The following ANKRD30B variants were observed in gnomAD, a reference collection of about 807,000 sequenced individuals.
The protein encoded by ANKRD30B is ankyrin repeat domain-containing protein 30B.
In ANKRD30B, 144 loss-of-function variants were observed where a neutral mutation model predicts 202.2. The ratio of observed to expected loss-of-function variants is 0.71; its 90% CI spans 0.62 to 0.82. The LOEUF is 0.82. ANKRD30B is among the 40% of genes least tolerant of loss of function. ANKRD30B has a pLI of 0.00. For synonymous variants in ANKRD30B, 508 were observed against 561.3 expected (o/e 0.91, Z 1.34); for missense variants, 1,487 against 1,669.1 (o/e 0.89, Z 1.90).
At chr18:14,883,122 GT>G in the ANKRD30B span, among the ~76,000 whole-genome samples, 1 of 152,106 alleles carries the variant, frequency 6.6e-6, no homozygotes, top group Non-Finnish European at 1.5e-5. Flanking sequence ...CTTTCAAGGT[GT>G]TTAAAGAAGA....
chr18:14,797,505 G>C (rs1968993965), intron 18 of ANKRD30B, among the ~76,000 whole-genome samples, 156 bp from the exon 19 acceptor site: 1 of 152,106 alleles, frequency 6.6e-6, no homozygotes, highest in African/African-American at 2.4e-5. Flanking sequence ...CAGTTGGCAT[G>C]TTAACAAATA....
intron 9 of ANKRD30B, 40 bp downstream of exon 9, chr18:14,772,268 AT>A (rs1967051881): frequency 1.5e-6 from 2 of 1,316,524 alleles, no homozygotes; most frequent in Non-Finnish European, 2.1e-6. Flanking sequence ...CTCAGTTGCA[AT>A]ATATTTCTGT....
the ANKRD30B span, among the ~76,000 whole-genome samples, chr18:14,916,238 C>T: frequency 7.2e-5 from 11 of 152,182 alleles, no homozygotes; most frequent in Non-Finnish European, 1.5e-4. Context: ...GTATCCTCTC[C>T]AGGAAGTGTG....
chr18:14,887,446 GTAAA>G, the ANKRD30B span, among the ~76,000 whole-genome samples: 3 of 152,100 alleles, frequency 2.0e-5, no homozygotes, highest in African/African-American at 7.2e-5. Context: ...TTAAAATCCT[GTAAA>G]TATTTATATT....
chr18:14,914,595 G>C, the ANKRD30B span, among the ~76,000 whole-genome samples: 1 of 152,150 alleles, frequency 6.6e-6, no homozygotes, highest in Non-Finnish European at 1.5e-5. Flanking sequence ...AGAGAGAAAC[G>C]CATAAATATA....
chr18:14,867,334 T>G, the ANKRD30B span, among the ~76,000 whole-genome samples: 14 of 93,744 alleles, frequency 1.5e-4, no homozygotes, highest in East Asian at 7.2e-4. Flanking sequence ...TTAGGGGTGG[T>G]ATGGGGGGAG....
chr18:14,796,323 G>A lies in ANKRD30B; in HGVS notation c.1855-20G>A. ...AAGCATATATTATGTATTAATTTTT[G>A]TGTTTCCAAACCCATTTAGCCTACC... On this transcript the variant is annotated intron_variant, in intron 17 of 43. Transcript: ENST00000690538. The A allele has an allele frequency of 6.2e-7, 1 of 1,605,440 alleles. No homozygotes were observed. Among genetic ancestry groups the A allele is most frequent in the Non-Finnish European group, 8.5e-7 (1 of 1,175,488 alleles).
At chr18:14,879,561 AGGGTTAG>A in the ANKRD30B span, among the ~76,000 whole-genome samples, 1 of 152,120 alleles carries the variant, frequency 6.6e-6, no homozygotes, top group African/African-American at 2.4e-5. Flanking sequence ...GGTTGGTGTT[AGGGTTAG>A]GGGTTAGGGG....
the ANKRD30B span, among the ~76,000 whole-genome samples, chr18:14,885,885 A>AT: frequency 1.3e-5 from 2 of 151,796 alleles, no homozygotes; most frequent in African/African-American, 4.8e-5. Context: ...TCATATTTTA[A>AT]TTTTTTCCTT....
the ANKRD30B span, among the ~76,000 whole-genome samples, chr18:14,872,764 T>C: frequency 2.1e-3 from 314 of 152,284 alleles, 1 homozygote; most frequent in African/African-American, 7.3e-3. Context: ...GAGAATGTAG[T>C]GTGGCACTTC....
the ANKRD30B span, among the ~76,000 whole-genome samples, chr18:14,871,343 C>A: frequency 6.7e-6 from 1 of 150,354 alleles, no homozygotes; most frequent in Non-Finnish European, 1.5e-5. Flanking sequence ...ATGGTCCCAG[C>A]AGATCTGAGG....
intron 15 of ANKRD30B, among the ~76,000 whole-genome samples, chr18:14,787,832 G>T (rs567824852): frequency 6.6e-6 from 1 of 152,316 alleles, no homozygotes; most frequent in South Asian, 2.1e-4. Flanking sequence ...GCTGCTGCCT[G>T]ATGGTAACAG....
At position 14,796,256 on chromosome 18, in the gene ANKRD30B, AC is replaced by A. The variant is rs772298790; in HGVS notation, c.1854+8del. 3.7e-6 allele frequency: 6 copies of A among 1,606,134 alleles called. No homozygotes were observed. In the African/African-American group the frequency reaches 5.4e-5, roughly 14 times the overall value. Reference sequence around the variant, plus strand: ...TAAAGATGGTCTTCTGAAGGTAATAACTTTTATATTGCTATCTTGAATACTA... The same window carrying A: ...TAAAGATGGTCTTCTGAAGGTAATAATTTTATATTGCTATCTTGAATACTA... On this transcript the variant is annotated splice_region_variant and intron_variant, in intron 17 of 43. Transcript: ENST00000690538.
chr18:14,901,779 C>T, the ANKRD30B span, among the ~76,000 whole-genome samples: 1 of 152,114 alleles, frequency 6.6e-6, no homozygotes, highest in Admixed American at 6.6e-5. Flanking sequence ...GTATAGCTTC[C>T]ATTACCAAAG....
chr18:14,828,431 T>G (rs562062553), intron 33 of ANKRD30B, 123 bp downstream of exon 33: 1 of 684,864 alleles, frequency 1.5e-6, no homozygotes, highest in African/African-American at 1.9e-5. Flanking sequence ...ATATTTATCA[T>G]CTCACATAGT....
At chr18:14,841,425 GA>G (rs1971415119) in intron 37 of ANKRD30B, among the ~76,000 whole-genome samples, 2 of 152,092 alleles carry the variant, frequency 1.3e-5, no homozygotes, top group Non-Finnish European at 1.5e-5. Flanking sequence ...CTTTCCTTTG[GA>G]AAAATCTGGA....
chr18:14,874,228 C>T, the ANKRD30B span, among the ~76,000 whole-genome samples: 2 of 152,076 alleles, frequency 1.3e-5, no homozygotes, highest in African/African-American at 2.4e-5. Context: ...CTTTCGAAGA[C>T]CCTGAACGCT....
intron 30 of ANKRD30B, chr18:14,816,663 A>T (rs1490851932): frequency 6.6e-6 from 1 of 151,572 alleles, no homozygotes; most frequent in East Asian, 1.9e-4. Context: ...AAAAAAAAGA[A>T]TTTATTTATT....
At chr18:14,852,566 C>T in intron 42 of ANKRD30B, 146 bp downstream of exon 42, 2 of 1,101,050 alleles carry the variant, frequency 1.8e-6, no homozygotes, top group Admixed American at 3.7e-5. Context: ...CTCATTTCCA[C>T]CAAATGAAAG....
Sources: allele counts gnomAD v4.1 joint callset (sites outside exome capture counted in the v4.1 genomes callset), GRCh38; gene constraint gnomAD v4.1.1; transcripts MANE v1.5; gene names NCBI Gene and HGNC (gene_info 2026-07-23, HGNC 2026-07-21).